SMAD6: variants seen among roughly 807,000 people sequenced by gnomAD.
SMAD6 encodes SMAD family member 6.
Under a neutral mutation model 39.4 loss-of-function variants are expected in SMAD6, and 103 were observed. That is an observed-to-expected ratio of 2.62 (90% confidence interval 2.23 to 3.08). The LOEUF (loss-of-function observed/expected upper bound fraction) is 3.08. Ranked by LOEUF, SMAD6 falls within the 30% of genes most tolerant of loss-of-function variation. The pLI, the probability that SMAD6 is intolerant of heterozygous loss-of-function variation, is 0.00. For synonymous variants in SMAD6, 445 were observed against 353.3 expected (o/e 1.26, Z -2.91); for missense variants, 1,104 against 742.9 (o/e 1.49, Z -5.65).
chr15:66,713,950 G>A (rs913510816), intron 2 of SMAD6, among the ~76,000 whole-genome samples: 1 of 152,222 alleles, frequency 6.6e-6, no homozygotes, highest in Non-Finnish European at 1.5e-5. Context: ...CCCAGCTAAT[G>A]AGCTGCAGGG....
chr15:66,780,381 C>G (rs7165807), intron 3 of SMAD6, among the ~76,000 whole-genome samples: 1 of 151,988 alleles, frequency 6.6e-6, no homozygotes, highest in African/African-American at 2.4e-5. Flanking sequence ...CCCCAGCCCG[C>G]CTCCCTGTGC....
intron 3 of SMAD6, among the ~76,000 whole-genome samples, chr15:66,739,904 A>G (rs1410959204): frequency 6.6e-6 from 1 of 152,244 alleles, no homozygotes; most frequent in Non-Finnish European, 1.5e-5. Flanking sequence ...CCTTCCGAGT[A>G]GCTGGGACCA....
At chr15:66,774,833 A>ATTTAT (rs61441715) in intron 3 of SMAD6, among the ~76,000 whole-genome samples, 29,806 of 145,968 alleles carry the variant, frequency 0.2, 3,390 homozygotes, top group Non-Finnish European at 0.25. Context: ...CACTATTCTG[A>ATTTAT]TTTATTTTAT....
At chr15:66,736,298 C>T (rs1323750259) in intron 3 of SMAD6, among the ~76,000 whole-genome samples, 1 of 152,194 alleles carries the variant, frequency 6.6e-6, no homozygotes, top group African/African-American at 2.4e-5. Flanking sequence ...TGATGTGTCC[C>T]ATCCAATACT....
chr15:66,752,374 CT>C (rs1158342869), intron 3 of SMAD6, among the ~76,000 whole-genome samples: 1 of 152,184 alleles, frequency 6.6e-6, no homozygotes, highest in African/African-American at 2.4e-5. Flanking sequence ...CTCTGTGTAA[CT>C]TTGGGGGGTG....
At chr15:66,780,299 A>G (rs1201035583) in intron 3 of SMAD6, among the ~76,000 whole-genome samples, 2 of 152,118 alleles carry the variant, frequency 1.3e-5, no homozygotes, top group Admixed American at 6.5e-5. Flanking sequence ...AAGCAGTCAT[A>G]TTTATAACAA....
chr15:66,756,850 TC>T (rs1245168492), intron 3 of SMAD6, among the ~76,000 whole-genome samples: 1 of 152,232 alleles, frequency 6.6e-6, no homozygotes, highest in Admixed American at 6.5e-5. Flanking sequence ...AGGGAGATGC[TC>T]CCCTTGTGTC....
At chr15:66,712,008 G>GT (rs1435860900) in intron 2 of SMAD6, among the ~76,000 whole-genome samples, 1 of 152,214 alleles carries the variant, frequency 6.6e-6, no homozygotes, top group East Asian at 1.9e-4. Flanking sequence ...AGATGAATGG[G>GT]TTTTGACTTA....
chr15:66,757,071 G>T (rs1328757295), intron 3 of SMAD6, among the ~76,000 whole-genome samples: 1 of 152,178 alleles, frequency 6.6e-6, no homozygotes, highest in East Asian at 1.9e-4. Context: ...GTGTCCTGAG[G>T]ACATGGCTTA....
At chr15:66,709,093 C>T (rs774265097) in intron 1 of SMAD6, among the ~76,000 whole-genome samples, 4 of 152,182 alleles carry the variant, frequency 2.6e-5, no homozygotes, top group Non-Finnish European at 4.4e-5. Context: ...GGGTGAACCC[C>T]AAGGCCTCTT....
At chr15:66,761,924 GTGTGTGGATT>G (rs1894207294) in intron 3 of SMAD6, among the ~76,000 whole-genome samples, 2 of 152,142 alleles carry the variant, frequency 1.3e-5, no homozygotes, top group South Asian at 4.1e-4. Flanking sequence ...CACTGGGGTG[GTGTGTGGATT>G]CCCCAGACAC....
Position 66,781,600 on chromosome 15 carries a change from G to GCC in SMAD6, c.*65_*66insCC. 1 of 1,257,064 alleles carries GCC rather than the reference G, an allele frequency of 8.0e-7. No individual in the cohort carries two copies. The highest frequency in any genetic ancestry group is 1.1e-6 in the Non-Finnish European group (1 of 938,664). 77.9% of individuals were successfully genotyped at this position (1,257,064 alleles called of 1,614,324 possible). A position where few individuals can be genotyped will look rare whatever the true frequency, so the allele number is the denominator to read the frequency against. The stretch of plus-strand genomic sequence containing the variant: ...CACCGCCACCTGCCGGCCTCGAGAG[G>GCC]GGCCGATGCCCAGAGACACAGCCCC... On this transcript the variant is annotated 3_prime_UTR_variant, in exon 4 of 4. Coordinates refer to ENST00000288840, the MANE Select transcript of SMAD6 (RefSeq NM_005585.5).
intron 3 of SMAD6, among the ~76,000 whole-genome samples, chr15:66,766,535 C>T (rs1291093657): frequency 6.6e-6 from 1 of 151,936 alleles, no homozygotes; most frequent in Admixed American, 6.6e-5. Context: ...GACATAGATG[C>T]TCAGTAGCCA....
chr15:66,719,031 C>T (rs565320427), intron 3 of SMAD6, among the ~76,000 whole-genome samples: 7 of 152,340 alleles, frequency 4.6e-5, no homozygotes, highest in Admixed American at 1.3e-4. Context: ...ACACTCACTA[C>T]ATGTCAGGCA....
At chr15:66,716,739 G>C (rs1893337925) in intron 3 of SMAD6, among the ~76,000 whole-genome samples, 1 of 152,210 alleles carries the variant, frequency 6.6e-6, no homozygotes, top group South Asian at 2.1e-4. Flanking sequence ...GTTTTAACCA[G>C]TTGTCTCTCT....
intron 3 of SMAD6, among the ~76,000 whole-genome samples, chr15:66,757,067 T>G (rs1413172884): frequency 6.6e-6 from 1 of 152,212 alleles, no homozygotes; most frequent in Non-Finnish European, 1.5e-5. Context: ...TCTGGTGTCC[T>G]GAGGACATGG....
intron 3 of SMAD6, among the ~76,000 whole-genome samples, chr15:66,768,321 C>T (rs958296913): frequency 6.6e-6 from 1 of 152,068 alleles, no homozygotes; most frequent in Non-Finnish European, 1.5e-5. Context: ...GCAAAGGTCA[C>T]CTGATTCTGT....
intron 1 of SMAD6, chr15:66,704,628 C>T (rs1008968506): frequency 6.6e-6 from 1 of 152,282 alleles, no homozygotes; most frequent in African/African-American, 2.4e-5. Flanking sequence ...TGCAGGGTAA[C>T]CCCTCTCTGG....
Position 66,781,061 on chromosome 15 carries a change from C to T in SMAD6, c.1017C>T (p.His339=). Residue 339 remains histidine, a synonymous_variant, in exon 4 of 4, where the codon CAC becomes CAT. Transcript: ENST00000288840. ...GGTGCAGCGTGGCGTACTGGGAGCA[C>T]CGGACGCGCGTGGGCCGCCTCTATG... The part of the protein sequence containing the change: ...SHWCSVAYWE[H]RTRVGRLYAV... The T allele has an allele frequency of 2.5e-6, 4 of 1,603,682 alleles. No individual in the cohort carries two copies. The highest frequency in any genetic ancestry group is 3.4e-6 in the Non-Finnish European group (4 of 1,178,500).
Sources: gnomAD v4.1 joint callset for allele counts (sites outside exome capture counted in the v4.1 genomes callset) on GRCh38, gnomAD v4.1.1 for gene constraint, MANE v1.5 for transcripts, NCBI Gene and HGNC (gene_info 2026-07-23, HGNC 2026-07-21) for gene names.